STK33: variants seen among roughly 807,000 people sequenced by gnomAD.
STK33 encodes the protein serine/threonine kinase 33.
In STK33, 52 loss-of-function variants were observed where a neutral mutation model predicts 58.0. The observed-to-expected ratio is 0.90, with a 90% CI of 0.72 to 1.13. The LOEUF is 1.13. Ranked by LOEUF, STK33 falls within the 50% of genes most tolerant of loss-of-function variation. The pLI is 0.00. For synonymous variants in STK33, 215 were observed against 200.1 expected (o/e 1.07, Z -0.63); for missense variants, 630 against 604.2 (o/e 1.04, Z -0.45).
the STK33 span, among the ~76,000 whole-genome samples, chr11:8,348,074 G>A: frequency 2.6e-5 from 4 of 152,222 alleles, no homozygotes; most frequent in African/African-American, 9.6e-5. Context: ...CTGGGTGACT[G>A]ACTCTATTTC....
the STK33 span, among the ~76,000 whole-genome samples, chr11:8,364,587 A>G: frequency 3.3e-5 from 5 of 152,258 alleles, no homozygotes; most frequent in Admixed American, 1.3e-4. Flanking sequence ...CTCACAGTTT[A>G]AAATATGCCA....
downstream of STK33, among the ~76,000 whole-genome samples, chr11:8,389,541 T>C (rs1848589500): frequency 6.6e-6 from 1 of 152,110 alleles, no homozygotes. Context: ...AGCACAGCCA[T>C]TATAGGACGC....
intron 11 of STK33, 123 bp downstream of exon 11, chr11:8,452,699 G>T: frequency 2.7e-6 from 2 of 745,242 alleles, no homozygotes; most frequent in South Asian, 1.7e-5. Flanking sequence ...GAGGTGGGGG[G>T]ATGGCTTGAG....
chr11:8,592,529 A>G (rs2032782629), intron 1 of STK33, among the ~76,000 whole-genome samples: 1 of 152,152 alleles, frequency 6.6e-6, no homozygotes, highest in African/African-American at 2.4e-5. Context: ...TTTCTGAAAA[A>G]CAGTATGGCA....
At chr11:8,478,381 C>T (rs1221767686) in intron 2 of STK33, among the ~76,000 whole-genome samples, 1 of 152,134 alleles carries the variant, frequency 6.6e-6, no homozygotes, top group Non-Finnish European at 1.5e-5. Context: ...TACATAGGTA[C>T]TGGACATAAT....
intron 15 of STK33, among the ~76,000 whole-genome samples, chr11:8,408,299 C>A (rs1939618257): frequency 6.6e-6 from 1 of 152,134 alleles, no homozygotes; most frequent in Admixed American, 6.6e-5. Flanking sequence ...AAAGGATATG[C>A]ATAGCATGGC....
intron 1 of STK33, among the ~76,000 whole-genome samples, chr11:8,589,497 G>A (rs972393455): frequency 6.6e-6 from 1 of 152,166 alleles, no homozygotes; most frequent in Non-Finnish European, 1.5e-5. Context: ...CAGGGGCTCA[G>A]GGAAAGGGAG....
the STK33 span, among the ~76,000 whole-genome samples, chr11:8,368,401 T>G: frequency 2.0e-5 from 3 of 152,194 alleles, no homozygotes; most frequent in African/African-American, 7.2e-5. Flanking sequence ...ATGCTGTCCT[T>G]GGCCTGTGCC....
the STK33 span, among the ~76,000 whole-genome samples, chr11:8,376,105 A>AGGGGAAT: frequency 6.6e-6 from 1 of 152,190 alleles, no homozygotes; most frequent in African/African-American, 2.4e-5. Context: ...AAGAGGCTCC[A>AGGGGAAT]GGGGAATGAG....
At chr11:8,589,779 T>C (rs2032300894) in intron 1 of STK33, among the ~76,000 whole-genome samples, 3 of 152,246 alleles carry the variant, frequency 2.0e-5, no homozygotes, top group Non-Finnish European at 4.4e-5. Flanking sequence ...TGCTGGATAT[T>C]GGTGTTTACT....
At chr11:8,440,213 G>C (rs934186533) in intron 12 of STK33, among the ~76,000 whole-genome samples, 1 of 152,012 alleles carries the variant, frequency 6.6e-6, no homozygotes, top group African/African-American at 2.4e-5. Context: ...ATCATTATGG[G>C]AACTGGGAAC....
chr11:8,478,747 G>GA (rs567595541), intron 2 of STK33, among the ~76,000 whole-genome samples: 418 of 141,004 alleles, frequency 3.0e-3, no homozygotes, highest in Middle Eastern at 3.6e-3. Flanking sequence ...AAGTAAAGGG[G>GA]AAAAAAAAAA....
chr11:8,366,783 T>C, the STK33 span, among the ~76,000 whole-genome samples: 7 of 152,224 alleles, frequency 4.6e-5, no homozygotes, highest in East Asian at 1.9e-4. Flanking sequence ...TCATTATCAA[T>C]GCCTCATGTT....
chr11:8,530,933 C>T (rs1166859620), intron 1 of STK33, among the ~76,000 whole-genome samples: 4 of 125,874 alleles, frequency 3.2e-5, no homozygotes, highest in African/African-American at 8.3e-5. Context: ...TCAGATGATC[C>T]GCCCACCTCA....
intron 14 of STK33, among the ~76,000 whole-genome samples, chr11:8,419,712 G>A (rs11041912): frequency 0.19 from 29,128 of 152,096 alleles, 3,420 homozygotes; most frequent in African/African-American, 0.31. Flanking sequence ...TCCGATCCAT[G>A]AGCATGTAAT....
intron 1 of STK33, among the ~76,000 whole-genome samples, chr11:8,534,069 G>T (rs1264383996): frequency 1.3e-5 from 2 of 152,104 alleles, no homozygotes; most frequent in East Asian, 3.9e-4. Context: ...GAGGTCAGGA[G>T]TTCAAGACCA....
intron 1 of STK33, among the ~76,000 whole-genome samples, chr11:8,522,729 T>C (rs1477552181): frequency 6.6e-6 from 1 of 152,138 alleles, no homozygotes. Flanking sequence ...AAAGGCAATC[T>C]ATAAAACGGG....
At chr11:8,436,290 A>C (rs1944058253) in intron 12 of STK33, 151 bp from the exon 13 acceptor site, 1 of 462,312 alleles carries the variant, frequency 2.2e-6, no homozygotes. Context: ...GTAAAAATGG[A>C]AACAACAGGG....
chr11:8,487,263 A>G (rs1950250997), intron 1 of STK33, among the ~76,000 whole-genome samples: 1 of 151,924 alleles, frequency 6.6e-6, no homozygotes, highest in African/African-American at 2.4e-5. Context: ...GTCTCTACAA[A>G]AAGTACAAAA....
Sources: gnomAD v4.1 joint callset for allele counts (sites outside exome capture counted in the v4.1 genomes callset) on GRCh38, gnomAD v4.1.1 for gene constraint, MANE v1.5 for transcripts, NCBI Gene and HGNC (gene_info 2026-07-23, HGNC 2026-07-21) for gene names.